Variants in RPH3A observed in about 807,000 individuals in gnomAD.
RPH3A encodes rabphilin-3A.
RPH3A carries 48 observed loss-of-function variants against 102.2 expected under a neutral mutation model. That is an observed-to-expected ratio of 0.47 (90% confidence interval 0.37 to 0.60). The LOEUF (loss-of-function observed/expected upper bound fraction) is 0.60. Among genes scored for constraint, RPH3A ranks in the 20% least tolerant of loss-of-function variants. The probability of loss-of-function intolerance (pLI) is 0.00; values close to 1 mark genes in which losing one functional copy is unlikely to be tolerated. For synonymous variants in RPH3A, 310 were observed against 324.3 expected, an observed-to-expected ratio of 0.96 and a Z score of 0.47; for missense variants, 781 against 910.1, an observed-to-expected ratio of 0.86 and a Z score of 1.83.
chr12:112,666,358 A>T (rs895069407), intron 1 of RPH3A, among the ~76,000 whole-genome samples: 1 of 151,688 alleles, frequency 6.6e-6, no homozygotes, highest in African/African-American at 2.4e-5. Flanking sequence ...TACATTCTGG[A>T]TTTTCTTCCC....
chr12:112,762,997 A>G (rs1388114606), intron 1 of RPH3A, among the ~76,000 whole-genome samples: 1 of 152,180 alleles, frequency 6.6e-6, no homozygotes, highest in African/African-American at 2.4e-5. Context: ...TCCCCAAGGA[A>G]TGTTGGGTAC....
At chr12:112,876,379 C>T (rs1253037567) in intron 12 of RPH3A, among the ~76,000 whole-genome samples, 5 of 152,184 alleles carry the variant, frequency 3.3e-5, no homozygotes, top group South Asian at 2.1e-4. Flanking sequence ...AGTAATTTGC[C>T]GCAGGTCACA....
At position 112,802,454 on chromosome 12, in the gene RPH3A, G is replaced by A. The variant is rs571081966; in HGVS notation, c.-19+10191G>A. Among the ~76,000 whole-genome samples the A allele has an allele frequency of 2.6e-5, 4 of 151,344 alleles. No individual in the cohort carries two copies. The South Asian group carries it at 6.2e-4, about 24-fold the overall frequency. On this transcript the variant is annotated intron_variant, in intron 2 of 21. Coordinates refer to ENST00000389385, the MANE Select transcript of RPH3A (RefSeq NM_001143854.2). ...GCCTAGTGTGCTTTGTGTGATTAAAGTTTTTTTAAACAGTCCCCTGGGTGG... is the reference window on the plus strand; with the variant it reads ...GCCTAGTGTGCTTTGTGTGATTAAAATTTTTTTAAACAGTCCCCTGGGTGG...
intron 1 of RPH3A, among the ~76,000 whole-genome samples, chr12:112,584,802 G>C (rs550866075): frequency 6.6e-6 from 1 of 152,330 alleles, no homozygotes; most frequent in Admixed American, 6.5e-5. Flanking sequence ...GTGTGCACGT[G>C]TGCAGAGGGA....
chr12:112,616,430 A>G (rs1276919631), intron 1 of RPH3A, among the ~76,000 whole-genome samples: 1 of 152,208 alleles, frequency 6.6e-6, no homozygotes, highest in Non-Finnish European at 1.5e-5. Flanking sequence ...TGCAGGTGTG[A>G]GCCACCGCGC....
intron 1 of RPH3A, among the ~76,000 whole-genome samples, chr12:112,683,792 G>A (rs757009269): frequency 1.3e-5 from 2 of 152,282 alleles, no homozygotes; most frequent in South Asian, 2.1e-4. Flanking sequence ...CCATACTGGA[G>A]AAAGCTCCCA....
intron 2 of RPH3A, among the ~76,000 whole-genome samples, chr12:112,805,357 A>C (rs950675010): frequency 1.3e-5 from 2 of 152,156 alleles, no homozygotes; most frequent in Admixed American, 1.3e-4. Context: ...GCCTATCCCC[A>C]GAAATTCTGA....
chr12:112,887,224 C>A (rs974585999), intron 16 of RPH3A, among the ~76,000 whole-genome samples: 3 of 152,178 alleles, frequency 2.0e-5, no homozygotes, highest in African/African-American at 7.2e-5. Flanking sequence ...CAGCGTTATT[C>A]ATAATAACTC....
At chr12:112,782,072 T>C (rs1436357436) in intron 1 of RPH3A, among the ~76,000 whole-genome samples, 1 of 152,200 alleles carries the variant, frequency 6.6e-6, no homozygotes, top group African/African-American at 2.4e-5. Flanking sequence ...GATCCAACCA[T>C]ATTGGGAGCA....
At chr12:112,690,441 G>A (rs907837003) in intron 1 of RPH3A, among the ~76,000 whole-genome samples, 1 of 152,200 alleles carries the variant, frequency 6.6e-6, no homozygotes, top group Admixed American at 6.5e-5. Flanking sequence ...TGAAACCCCA[G>A]TGAGGCTCTT....
At chr12:112,850,589 C>T (rs751615335) in intron 5 of RPH3A, among the ~76,000 whole-genome samples, 32 of 152,164 alleles carry the variant, frequency 2.1e-4, no homozygotes, top group Admixed American at 1.3e-4. Flanking sequence ...TGTTCCACAG[C>T]GCCCTTCCTG....
chr12:112,894,243 C>A (rs2043144350), intron 19 of RPH3A: 1 of 329,010 alleles, frequency 3.0e-6, no homozygotes, highest in Admixed American at 5.1e-5. Flanking sequence ...AGTGAGCATG[C>A]TAAGAACACA....
At chr12:112,798,271 C>A (rs138502747) in intron 2 of RPH3A, among the ~76,000 whole-genome samples, 6 of 152,230 alleles carry the variant, frequency 3.9e-5, no homozygotes, top group South Asian at 2.1e-4. Context: ...AGAGGAAACT[C>A]ATCTGACAGC....
intron 1 of RPH3A, among the ~76,000 whole-genome samples, chr12:112,577,807 T>G (rs746007272): frequency 2.6e-5 from 4 of 151,734 alleles, no homozygotes; most frequent in African/African-American, 4.8e-5. Context: ...CCTCCCAAAG[T>G]GCTAAAATTA....
chr12:112,884,364 T>A (rs1005017875), intron 16 of RPH3A, among the ~76,000 whole-genome samples: 2 of 152,184 alleles, frequency 1.3e-5, no homozygotes, highest in Non-Finnish European at 1.5e-5. Context: ...CTTCCTTCTC[T>A]CCCAAGAGCT....
At chr12:112,671,641 T>C (rs2040130832) in intron 1 of RPH3A, among the ~76,000 whole-genome samples, 1 of 152,192 alleles carries the variant, frequency 6.6e-6, no homozygotes, top group Non-Finnish European at 1.5e-5. Flanking sequence ...ACAAGGCCTA[T>C]GTTCCCTATT....
At chr12:112,756,895 A>G (rs1261311100) in intron 1 of RPH3A, among the ~76,000 whole-genome samples, 2 of 152,236 alleles carry the variant, frequency 1.3e-5, no homozygotes, top group Admixed American at 1.3e-4. Context: ...TTGCCAGCAA[A>G]AAGTATTATT....
chr12:112,712,944 T>TCTC (rs2040479070), intron 1 of RPH3A, among the ~76,000 whole-genome samples: 2 of 115,492 alleles, frequency 1.7e-5, no homozygotes, highest in African/African-American at 2.9e-5. Context: ...TTCTTCTTCT[T>TCTC]CTTCTTCTTC....
rs537652402 is a variant in RPH3A at position 112,714,053 on chromosome 12, G to A, written c.-139-78090G>A. Among the ~76,000 whole-genome samples the A allele has an allele frequency of 2.0e-5, 3 of 152,262 alleles. No homozygotes were observed. The South Asian group carries it at 6.2e-4, about 32-fold the overall frequency. On this transcript the variant is annotated intron_variant, in intron 1 of 21. Transcript: ENST00000543106. ...TGGGATAACATGAGGCCTATAGGTG[G>A]TTGGTACATGAAGTGTGTGGCACAT...
Sources: allele counts gnomAD v4.1 joint callset (sites outside exome capture counted in the v4.1 genomes callset), GRCh38; gene constraint gnomAD v4.1.1; transcripts MANE v1.5; gene names NCBI Gene and HGNC (gene_info 2026-07-23, HGNC 2026-07-21).